The following RPS6KA2 variants were observed in gnomAD, a reference collection of about 807,000 sequenced individuals.
RPS6KA2 encodes ribosomal protein S6 kinase alpha-2.
Under a neutral mutation model 91.8 loss-of-function variants are expected in RPS6KA2, and 42 were observed. That is an observed-to-expected ratio of 0.46 (90% confidence interval 0.36 to 0.59). The LOEUF is 0.59. Among genes scored for constraint, RPS6KA2 ranks in the 20% least tolerant of loss-of-function variants. The pLI, the probability that RPS6KA2 is intolerant of heterozygous loss-of-function variation, is 0.00. For missense variants in RPS6KA2, 798 were observed against 978.5 expected (o/e 0.82, Z 2.46); for synonymous variants, 414 against 393.6 (o/e 1.05, Z -0.61).
chr6:166,642,238 G>C (rs1349843303), intron 2 of RPS6KA2, among the ~76,000 whole-genome samples: 6 of 152,322 alleles, frequency 3.9e-5, no homozygotes, highest in South Asian at 2.1e-4. Flanking sequence ...AGCTGAGAGA[G>C]TGGAATAATA....
At chr6:166,685,556 T>C (rs1160176717) in intron 2 of RPS6KA2, among the ~76,000 whole-genome samples, 1 of 152,128 alleles carries the variant, frequency 6.6e-6, no homozygotes, top group East Asian at 1.9e-4. Flanking sequence ...TCTTTGAGAG[T>C]TGTTGGAGTA....
chr6:166,503,255 G>A (rs1484470970), intron 6 of RPS6KA2, among the ~76,000 whole-genome samples: 7 of 152,234 alleles, frequency 4.6e-5, no homozygotes, highest in South Asian at 2.1e-4. Context: ...TGCCTGTGGC[G>A]TTCCACGGAC....
intron 2 of RPS6KA2, among the ~76,000 whole-genome samples, chr6:166,532,532 G>C (rs1052532828): frequency 2.0e-5 from 3 of 152,190 alleles, no homozygotes; most frequent in African/African-American, 7.2e-5. Flanking sequence ...CCCCTGAAGT[G>C]ATTCCGGACC....
chr6:166,431,598 A>G (rs1371067295), intron 15 of RPS6KA2, among the ~76,000 whole-genome samples: 3 of 152,244 alleles, frequency 2.0e-5, no homozygotes, highest in South Asian at 2.1e-4. Flanking sequence ...AATAAAAACA[A>G]TATGCTCTGA....
chr6:166,851,620 T>TGTGCA (rs1317996823), intron 2 of RPS6KA2, among the ~76,000 whole-genome samples: 9 of 152,284 alleles, frequency 5.9e-5, no homozygotes, highest in African/African-American at 1.7e-4. Flanking sequence ...TTTGGTGCTC[T>TGTGCA]CAGACCACGG....
Position 166,508,355 on chromosome 6 carries a change from C to T in RPS6KA2, c.380-73G>A, listed in dbSNP as rs1041364486. Reference sequence around the variant, plus strand: ...TGGCAACATCGCTCTCTGGCTTCTCCCTGCTCACGGTGCTGCTTACTCCGG... The same window carrying T: ...TGGCAACATCGCTCTCTGGCTTCTCTCTGCTCACGGTGCTGCTTACTCCGG... On this transcript the variant is annotated intron_variant, in intron 4 of 20. Transcript: ENST00000265678. This position sits in a 1 kb window ranked among gnomAD's most constrained non-coding sequence, Gnocchi z 4.3. 1 of 996,546 alleles carries T rather than the reference C, an allele frequency of 1.0e-6. No individual in the cohort carries two copies. Among genetic ancestry groups the T allele is most frequent in the African/African-American group, 1.6e-5 (1 of 63,258 alleles). The allele number at this position is 996,546 out of a possible 1,614,324, so 61.7% of individuals were successfully genotyped here. A position where few individuals can be genotyped will look rare whatever the true frequency, so the allele number is the denominator to read the frequency against.
intron 2 of RPS6KA2, among the ~76,000 whole-genome samples, chr6:166,709,379 G>A (rs538280823): frequency 2.7e-5 from 4 of 150,524 alleles, no homozygotes; most frequent in Admixed American, 6.6e-5. Flanking sequence ...TGTCATCCCG[G>A]CACTTTGGGT....
At chr6:166,824,411 T>C (rs1023599127) in intron 2 of RPS6KA2, among the ~76,000 whole-genome samples, 3 of 152,234 alleles carry the variant, frequency 2.0e-5, no homozygotes, top group African/African-American at 7.2e-5. Context: ...GCTGGGGTTC[T>C]CACTCTGCAA....
At chr6:166,672,680 T>A (rs1006909851) in intron 2 of RPS6KA2, among the ~76,000 whole-genome samples, 1 of 152,192 alleles carries the variant, frequency 6.6e-6, no homozygotes, top group African/African-American at 2.4e-5. Context: ...AGGAATGACA[T>A]TGTACTGGAC....
chr6:166,777,435 G>A (rs1778652740), intron 2 of RPS6KA2, among the ~76,000 whole-genome samples: 1 of 152,184 alleles, frequency 6.6e-6, no homozygotes. Context: ...AAAGCACAGA[G>A]AGAGGAAGTG....
chr6:166,461,640 A>G (rs908670072), intron 11 of RPS6KA2, among the ~76,000 whole-genome samples: 1 of 152,148 alleles, frequency 6.6e-6, no homozygotes, highest in Non-Finnish European at 1.5e-5. Context: ...AGCTCGATCC[A>G]GCACAGAGCC....
intron 2 of RPS6KA2, among the ~76,000 whole-genome samples, chr6:166,686,234 C>T (rs529375909): frequency 5.9e-4 from 90 of 152,208 alleles, no homozygotes; most frequent in African/African-American, 2.0e-3. Flanking sequence ...GGGTGCATAT[C>T]GGGCACCAGG....
At chr6:166,560,830 G>T (rs181143367) in intron 1 of RPS6KA2, among the ~76,000 whole-genome samples, 1 of 152,078 alleles carries the variant, frequency 6.6e-6, no homozygotes, top group East Asian at 1.9e-4. Context: ...CTTCCCTAAC[G>T]CTTCCCCAAG....
chr6:166,583,568 A>G (rs1357210704), intron 1 of RPS6KA2, among the ~76,000 whole-genome samples: 4 of 152,242 alleles, frequency 2.6e-5, no homozygotes, highest in African/African-American at 9.6e-5. Context: ...CCCACTGTCC[A>G]GAGGTGACAA....
intron 2 of RPS6KA2, among the ~76,000 whole-genome samples, chr6:166,534,583 G>C (rs769950066): frequency 3.3e-5 from 5 of 152,326 alleles, no homozygotes; most frequent in Middle Eastern, 3.4e-3. Context: ...AAGTCCACAT[G>C]GGGCAGCTGC....
intron 2 of RPS6KA2, among the ~76,000 whole-genome samples, chr6:166,640,230 A>C (rs977306747): frequency 5.0e-4 from 76 of 151,968 alleles, no homozygotes; most frequent in African/African-American, 1.7e-3. Context: ...GAAAAAAAAA[A>C]CCCATCATAG....
intron 2 of RPS6KA2, among the ~76,000 whole-genome samples, chr6:166,686,407 G>T (rs1489770886): frequency 6.6e-6 from 1 of 152,128 alleles, no homozygotes; most frequent in Non-Finnish European, 1.5e-5. Flanking sequence ...AAATGACCCA[G>T]AACAAGCCCT....
intron 5 of RPS6KA2, among the ~76,000 whole-genome samples, chr6:166,507,367 AACAC>A (rs3837033): frequency 1.0e-4 from 8 of 80,282 alleles, no homozygotes; most frequent in Non-Finnish European, 2.0e-4. Context: ...CAGCACACCC[AACAC>A]ACACACACAC....
At position 166,448,637 on chromosome 6, in the gene RPS6KA2, T is replaced by G. The variant is rs972707996; in HGVS notation, c.1332+87A>C. ...GCACTCACACAGGGCCCTGCTATGC[T>G]CCTATGCTCCGTGCTCCCACATACC... On this transcript the variant is annotated intron_variant, in intron 14 of 20. Transcript: ENST00000265678. This position sits in a 1 kb window ranked among gnomAD's most constrained non-coding sequence, Gnocchi z 4.7. The G allele has an allele frequency of 1.4e-5, 21 of 1,457,760 alleles. 1 individual carries two copies. In the African/African-American group the frequency reaches 2.8e-4, roughly 19 times the overall value. The allele number at this position is 1,457,760 out of a possible 1,614,324, so 90.3% of individuals were successfully genotyped here. A position where few individuals can be genotyped will look rare whatever the true frequency, so the allele number is the denominator to read the frequency against.
Sources: allele counts gnomAD v4.1 joint callset (sites outside exome capture counted in the v4.1 genomes callset), GRCh38; gene constraint gnomAD v4.1.1; non-coding constraint Gnocchi (gnomAD v3.1); transcripts MANE v1.5; gene names NCBI Gene and HGNC (gene_info 2026-07-23, HGNC 2026-07-21).